Variants in USP31 observed in about 807,000 individuals in gnomAD.
USP31 encodes ubiquitin carboxyl-terminal hydrolase 31.
USP31 carries 44 observed loss-of-function variants against 119.4 expected under a neutral mutation model. The ratio of observed to expected loss-of-function variants is 0.37; its 90% CI spans 0.29 to 0.47. USP31 has a LOEUF of 0.47. USP31 is among the 20% of genes least tolerant of loss of function. USP31 has a pLI of 0.99. For synonymous variants in USP31, 749 were observed against 705.6 expected (o/e 1.06, Z -0.97); for missense variants, 1,643 against 1,730.2 (o/e 0.95, Z 0.89).
intron 1 of USP31, among the ~76,000 whole-genome samples, chr16:23,134,330 G>A (rs1356137242): frequency 6.6e-6 from 1 of 152,130 alleles, no homozygotes; most frequent in East Asian, 1.9e-4. Context: ...ATGATCATAA[G>A]GTTGGAGTAA....
At chr16:23,141,497 C>G (rs998516338) in intron 1 of USP31, among the ~76,000 whole-genome samples, 1 of 152,062 alleles carries the variant, frequency 6.6e-6, no homozygotes, top group Admixed American at 6.6e-5. Flanking sequence ...CCCACCTCAG[C>G]CTCCGAAGTA....
intron 1 of USP31, among the ~76,000 whole-genome samples, chr16:23,132,619 G>A (rs1846451772): frequency 1.3e-5 from 2 of 152,236 alleles, no homozygotes; most frequent in Non-Finnish European, 2.9e-5. Flanking sequence ...TTAAGAGATA[G>A]TTCCATGTTT....
At chr16:23,089,027 TTACAAG>T (rs1901235607) in intron 7 of USP31, among the ~76,000 whole-genome samples, 1 of 152,064 alleles carries the variant, frequency 6.6e-6, no homozygotes, top group East Asian at 1.9e-4. Context: ...GTGAAATGAG[TTACAAG>T]TACATGTAAA....
At chr16:23,084,146 G>A (rs1900984575) in intron 11 of USP31, among the ~76,000 whole-genome samples, 1 of 152,172 alleles carries the variant, frequency 6.6e-6, no homozygotes, top group Admixed American at 6.5e-5. Context: ...GTTACAACTA[G>A]TAGTCAAAAT....
At chr16:23,088,036 C>T (rs1901187364) in intron 7 of USP31, among the ~76,000 whole-genome samples, 1 of 152,060 alleles carries the variant, frequency 6.6e-6, no homozygotes, top group Non-Finnish European at 1.5e-5. Flanking sequence ...ATTTAATAGC[C>T]AATACACCAA....
rs141960449 is a variant in USP31, at chr16:23,086,954, G to A, written c.1622+138C>T. 4.7e-4 allele frequency: 291 copies of A among 620,732 alleles called. 3 individuals are homozygous for A. The East Asian group carries it at 8.6e-3, about 18-fold the overall frequency. 38.5% of individuals were successfully genotyped at this position (620,732 alleles called of 1,614,324 possible). Reference sequence around the variant, plus strand: ...ACATATACCCAAGCACAAATCAAAAGTAAAATAAGTACTTAATTTCGAAAT... The same window carrying A: ...ACATATACCCAAGCACAAATCAAAAATAAAATAAGTACTTAATTTCGAAAT... On this transcript the variant is annotated intron_variant, in intron 9 of 15. Coordinates refer to ENST00000219689, the MANE Select transcript of USP31 (RefSeq NM_020718.4).
chr16:23,086,658 G>A (rs924302814), intron 9 of USP31, among the ~76,000 whole-genome samples: 5 of 152,164 alleles, frequency 3.3e-5, no homozygotes. Context: ...TGGGATAGTG[G>A]GGAGAGGAAG....
Position 23,106,256 on chromosome 16 carries a change from G to T in USP31, c.910C>A (p.Pro304Thr). Residue 304 changes from proline to threonine, a missense_variant, in exon 4 of 16, where the codon CCT becomes ACT. Physicochemically the swap from Pro to Thr is conservative, Grantham distance 38. Around this residue, in one of 5 missense-constraint regions of USP31, gnomAD observed 144 missense variants for 218.0 expected, o/e 0.66. Transcript: ENST00000219689. ...ATTGGCAAAGAAATGCAAAGGAAAG[G>T]ATCAAAAGTGTTGCTCTGTTTCTGA... The part of the protein sequence containing the change: ...HCQKQSNTFD[P>T]FLCISLPIPL... 1 of 1,614,124 alleles carries T rather than the reference G, an allele frequency of 6.2e-7. No individual in the cohort carries two copies. Among genetic ancestry groups the T allele is most frequent in the Non-Finnish European group, 8.5e-7 (1 of 1,180,020 alleles).
intron 10 of USP31, 72 bp downstream of exon 10, chr16:23,085,513 A>G (rs1382717908): frequency 9.0e-6 from 12 of 1,328,594 alleles, no homozygotes; most frequent in African/African-American, 1.5e-5. Flanking sequence ...CTCATTTAAC[A>G]TATCAAAGGT....
intron 4 of USP31, 125 bp downstream of exon 4, chr16:23,106,088 T>A: frequency 9.3e-7 from 1 of 1,072,632 alleles, no homozygotes; most frequent in Non-Finnish European, 1.4e-6. Context: ...TAGCAATGAC[T>A]GTATTCAATC....
rs755871646 is a variant in USP31, at chr16:23,073,745, C to G, written c.2312G>C (p.Trp771Ser). 35 of 1,612,762 alleles carry G rather than the reference C, an allele frequency of 2.2e-5. No individual in the cohort carries two copies. The highest frequency in any genetic ancestry group is 2.5e-5 in the Non-Finnish European group (29 of 1,179,854). Residue 771 changes from tryptophan (W) to serine (S), a missense_variant, in exon 14 of 16, where the codon TGG becomes TCG. Trp to Ser is a radical substitution (Grantham distance 177). This residue lies in a region of USP31 where 279 missense variants were observed against 372.2 expected (regional missense o/e 0.75). Transcript: ENST00000219689. ...FYQRRTAIPS[W>S]SANSSVAGST... ...ACCTGCCACCGAGCTGTTGGCTGAC[C>G]ATGACGGGATGGCTGTCCGCCTCTG...
intron 13 of USP31, among the ~76,000 whole-genome samples, chr16:23,076,288 TAAAA>T (rs766668376): frequency 7.7e-6 from 1 of 130,178 alleles, no homozygotes; most frequent in Non-Finnish European, 1.7e-5. Context: ...AAGTTGATGT[TAAAA>T]AAAAAAAAAA....
At chr16:23,105,929 A>G (rs1361378641) in intron 4 of USP31, among the ~76,000 whole-genome samples, 4 of 152,236 alleles carry the variant, frequency 2.6e-5, no homozygotes, top group Non-Finnish European at 4.4e-5. Flanking sequence ...TAAGGTCTCT[A>G]GAGAATCCTG....
rs1022752780 is a variant in USP31, at chr16:23,067,928, C to G, written c.*118G>C. On this transcript the variant is annotated 3_prime_UTR_variant, in exon 16 of 16. Coordinates refer to ENST00000219689, the MANE Select transcript of USP31 (RefSeq NM_020718.4). ...ACGCATACACTCACACACACACACA[C>G]AGTCGGGCACGTGACTCAAAAAAGT... 4.6e-6 allele frequency: 6 copies of G among 1,295,776 alleles called. No homozygotes were observed. In the African/African-American group the frequency reaches 9.0e-5, roughly 19 times the overall value. The allele number at this position is 1,295,776 out of a possible 1,614,324, so 80.3% of individuals were successfully genotyped here. A position where few individuals can be genotyped will look rare whatever the true frequency, so the allele number is the denominator to read the frequency against.
Position 23,097,505 on chromosome 16 carries a change from T to C in USP31, c.1234+4814A>G, listed in dbSNP as rs1901663899. Among the ~76,000 whole-genome samples the C allele has an allele frequency of 2.6e-5, 4 of 152,192 alleles. No individual in the cohort carries two copies. In the South Asian group the frequency reaches 8.3e-4, roughly 32 times the overall value. On this transcript the variant is annotated intron_variant, in intron 6 of 15. Transcript: ENST00000219689. ...CCAGCATCATCCTGATACCAAAGCC[T>C]GGCAGAGACACAACAAATAAAAGAA...
intron 11 of USP31, 152 bp from the exon 12 acceptor site, chr16:23,082,709 G>T: frequency 9.9e-7 from 1 of 1,006,948 alleles, no homozygotes; most frequent in Non-Finnish European, 1.4e-6. Context: ...ATCAAAAGTA[G>T]CCAGAGCTGG....
intron 7 of USP31, among the ~76,000 whole-genome samples, chr16:23,089,928 T>G (rs928607253): frequency 6.6e-6 from 1 of 152,054 alleles, no homozygotes; most frequent in African/African-American, 2.4e-5. Context: ...AAGACATAAG[T>G]TCAATTTGGG....
Position 23,148,930 on chromosome 16 carries a change from G to C in USP31, c.341C>G (p.Pro114Arg), listed in dbSNP as rs771260455. The C allele has an allele frequency of 2.5e-6, 3 of 1,208,704 alleles. No individual in the cohort carries two copies. Among genetic ancestry groups the C allele is most frequent in the Non-Finnish European group, 3.1e-6 (3 of 969,032 alleles). 74.9% of individuals were successfully genotyped at this position (1,208,704 alleles called of 1,614,324 possible). Residue 114 changes from proline to arginine, a missense_variant, in exon 1 of 16, where the codon CCC becomes CGC. By Grantham distance (103) the Pro-to-Arg change is moderately radical. Transcript: ENST00000219689. The stretch of plus-strand genomic sequence containing the variant: ...CTCGGCGGCGCAAGCGGGCGGCGCG[G>C]GAGAGGCGGGCGGCGGCGGGCACGG... ...PPPCPPPPAS[P>R]APPACAAEPV... is the part of the protein sequence containing the mutation.
chr16:23,124,993 GAAC>G (rs1902803212), intron 1 of USP31, among the ~76,000 whole-genome samples: 1 of 152,194 alleles, frequency 6.6e-6, no homozygotes, highest in Non-Finnish European at 1.5e-5. Context: ...TGTAGAGGTG[GAAC>G]GTACTTCTCA....
Sources: allele counts gnomAD v4.1 joint callset (sites outside exome capture counted in the v4.1 genomes callset), GRCh38; gene constraint gnomAD v4.1.1; regional missense constraint gnomAD v4.1.1; transcripts MANE v1.5; gene names NCBI Gene and HGNC (gene_info 2026-07-23, HGNC 2026-07-21).